The following SIPA1L3 variants were observed in gnomAD, a reference collection of about 807,000 sequenced individuals.
SIPA1L3 encodes the protein signal-induced proliferation-associated 1-like protein 3.
A neutral mutation model predicts 150.1 loss-of-function variants in SIPA1L3; 59 were observed. That is an observed-to-expected ratio of 0.39 (90% CI 0.32 to 0.49). The LOEUF (loss-of-function observed/expected upper bound fraction) is 0.49, where lower values mean the gene tolerates loss of function less well. Among genes scored for constraint, SIPA1L3 ranks in the 20% least tolerant of loss-of-function variants. The pLI, the probability that SIPA1L3 is intolerant of heterozygous loss-of-function variation, is 0.86. For synonymous variants in SIPA1L3, 1,070 were observed against 1,077.6 expected, an observed-to-expected ratio of 0.99 and a Z score of 0.14; for missense variants, 2,211 against 2,489.5, an observed-to-expected ratio of 0.89 and a Z score of 2.38.
chr19:37,982,842 A>G (rs971195819), intron 1 of SIPA1L3, among the ~76,000 whole-genome samples: 4 of 152,142 alleles, frequency 2.6e-5, no homozygotes, highest in African/African-American at 7.2e-5. Context: ...GCAGCCAGAA[A>G]GAGGGACGGG....
At position 38,191,908 on chromosome 19, in the gene SIPA1L3, C is replaced by T. The variant is rs560596442; in HGVS notation, c.4431-237C>T. Among the ~76,000 whole-genome samples the T allele has an allele frequency of 5.3e-5, 8 of 152,342 alleles. No homozygotes were observed. In the East Asian group the frequency reaches 5.8e-4, roughly 11 times the overall value. On this transcript the variant is annotated intron_variant, in intron 16 of 21. Coordinates refer to ENST00000222345, the MANE Select transcript of SIPA1L3 (RefSeq NM_015073.3). ...CCACTGGCTGCCAGCTCGGTGCTCA[C>T]GGCCGTGTCCCCAGCACCTGGGACA...
intron 1 of SIPA1L3, among the ~76,000 whole-genome samples, chr19:37,923,591 G>T (rs559514620): frequency 2.8e-4 from 42 of 152,272 alleles, no homozygotes; most frequent in Non-Finnish European, 2.1e-4. Context: ...GTGGTGAGTG[G>T]ATGGGAAAGC....
chr19:38,049,429 T>C (rs1461255511), intron 2 of SIPA1L3, among the ~76,000 whole-genome samples: 1 of 152,170 alleles, frequency 6.6e-6, no homozygotes, highest in Non-Finnish European at 1.5e-5. Context: ...GTGTGTCCAG[T>C]GTATGGCGTC....
intron 2 of SIPA1L3, among the ~76,000 whole-genome samples, chr19:38,057,254 C>T (rs1003689852): frequency 6.6e-6 from 1 of 151,428 alleles, no homozygotes; most frequent in Non-Finnish European, 1.5e-5. Context: ...CTAGAGTGCA[C>T]TCCAGCAAGA....
At chr19:38,045,504 C>T (rs976359813) in intron 2 of SIPA1L3, among the ~76,000 whole-genome samples, 1 of 144,690 alleles carries the variant, frequency 6.9e-6, no homozygotes, top group Non-Finnish European at 1.5e-5. Context: ...CCCGGGGGGT[C>T]GAGGCTGCAG....
chr19:37,923,136 C>CAA (rs200934890), intron 1 of SIPA1L3, among the ~76,000 whole-genome samples: 6 of 122,642 alleles, frequency 4.9e-5, no homozygotes, highest in Non-Finnish European at 8.8e-5. Context: ...GACTCCATCT[C>CAA]AAAAAAAAAA....
intron 6 of SIPA1L3, 116 bp from the exon 7 acceptor site, chr19:38,106,421 T>C (rs1683344486): frequency 1.3e-6 from 1 of 777,162 alleles, no homozygotes. Flanking sequence ...TATTTAATTT[T>C]TAAGAGTAGA....
chr19:38,090,065 C>A (rs1157802529), intron 4 of SIPA1L3, among the ~76,000 whole-genome samples: 1 of 152,116 alleles, frequency 6.6e-6, no homozygotes, highest in African/African-American at 2.4e-5. Flanking sequence ...CGCAGTGGCT[C>A]ACTCTTGTAA....
chr19:37,933,667 T>C (rs1011898385), intron 1 of SIPA1L3, among the ~76,000 whole-genome samples: 36 of 152,070 alleles, frequency 2.4e-4, no homozygotes, highest in African/African-American at 8.7e-4. Flanking sequence ...TGGCTGTGGG[T>C]GAGGCGGCAT....
rs1270349537 is a variant in SIPA1L3 at position 38,119,572 on chromosome 19, A to C, written c.2558A>C (p.Lys853Thr). ...AACCTCATCTCCCTGACCTCCAAGA[A>C]GAAGGAAAAGACAAAAGCACGGGCT... ...KFNLISLTSK[K>T]KEKTKARAGA... is the part of the protein sequence containing the mutation. Residue 853 changes from lysine to threonine, a missense_variant, in exon 9 of 22, where the codon AAG becomes ACG. By Grantham distance (78) the Lys-to-Thr change is moderately conservative. Coordinates refer to ENST00000222345, the MANE Select transcript of SIPA1L3 (RefSeq NM_015073.3). 2.9e-5 allele frequency: 47 copies of C among 1,614,092 alleles called. No individual in the cohort carries two copies. The highest frequency in any genetic ancestry group is 4.0e-5 in the Non-Finnish European group (47 of 1,180,048).
In SIPA1L3 at chr19:38,130,669, G is replaced by T. The variant is rs868005436; in HGVS notation, c.3040G>T (p.Ala1014Ser). ...GSRLVEICKV[A>S]VVTLTHDQMI... is the part of the protein sequence containing the mutation. ...CCGACTAGTGGAGATCTGCAAGGTG[G>T]CCGTGGTCACACTGACCCACGACCA... The change falls in exon 10 of 22, where the codon GCC becomes TCC. Residue 1014 changes from alanine (A) to serine (S), a missense_variant. By Grantham distance (99) the Ala-to-Ser change is moderately conservative. This residue lies in a region of SIPA1L3 where 625 missense variants were observed against 804.2 expected (regional missense o/e 0.78). Transcript: ENST00000222345. The T allele has an allele frequency of 6.2e-7, 1 of 1,613,932 alleles. No individual in the cohort carries two copies. Among genetic ancestry groups the T allele is most frequent in the Non-Finnish European group, 8.5e-7 (1 of 1,180,040 alleles).
chr19:38,100,969 C>G (rs544625967), intron 5 of SIPA1L3, 83 bp from the exon 6 acceptor site: 2 of 1,413,658 alleles, frequency 1.4e-6, no homozygotes, highest in East Asian at 5.2e-5. Flanking sequence ...CCCAGGGCCT[C>G]AGGCCTCAGA....
intron 1 of SIPA1L3, among the ~76,000 whole-genome samples, chr19:37,976,024 G>T (rs555103760): frequency 6.6e-6 from 1 of 150,996 alleles, no homozygotes; most frequent in Non-Finnish European, 1.5e-5. Flanking sequence ...AGAATCACTC[G>T]AACCCAGGAG....
At chr19:38,058,718 G>A (rs1432115704) in intron 2 of SIPA1L3, among the ~76,000 whole-genome samples, 1 of 152,040 alleles carries the variant, frequency 6.6e-6, no homozygotes, top group South Asian at 2.1e-4. Flanking sequence ...TTGTTGTTTT[G>A]TTTTGTTTTT....
At chr19:37,965,317 G>GTT (rs566071263) in intron 1 of SIPA1L3, among the ~76,000 whole-genome samples, 6,838 of 133,644 alleles carry the variant, frequency 0.051, 238 homozygotes, top group East Asian at 0.1. Flanking sequence ...TATATTTCTA[G>GTT]TTTTTTTTTT....
At chr19:38,024,375 C>A (rs1377176962) in intron 1 of SIPA1L3, among the ~76,000 whole-genome samples, 1 of 152,108 alleles carries the variant, frequency 6.6e-6, no homozygotes, top group Admixed American at 6.5e-5. Context: ...TCCTTGTAGG[C>A]CTGTTTTATA....
intron 2 of SIPA1L3, among the ~76,000 whole-genome samples, chr19:38,048,549 C>A (rs1229244944): frequency 6.6e-6 from 1 of 152,166 alleles, no homozygotes; most frequent in Non-Finnish European, 1.5e-5. Context: ...ACATCCTGAT[C>A]ACTCTTGACC....
At chr19:37,977,314 A>G (rs1013028649) in intron 1 of SIPA1L3, among the ~76,000 whole-genome samples, 24 of 151,092 alleles carry the variant, frequency 1.6e-4, no homozygotes, top group Admixed American at 1.5e-3. Flanking sequence ...ACAGGCACGC[A>G]CCACCATGCC....
At chr19:38,181,770 C>G (rs182769118) in intron 15 of SIPA1L3, among the ~76,000 whole-genome samples, 281 of 149,792 alleles carry the variant, frequency 1.9e-3, no homozygotes, top group African/African-American at 6.3e-3. Context: ...CGCTTGAACC[C>G]GAGAGACTGA....
Sources: allele counts gnomAD v4.1 joint callset (sites outside exome capture counted in the v4.1 genomes callset), GRCh38; gene constraint gnomAD v4.1.1; regional missense constraint gnomAD v4.1.1; transcripts MANE v1.5; gene names NCBI Gene and HGNC (gene_info 2026-07-23, HGNC 2026-07-21).